Variants in PARD3B observed in about 807,000 individuals in gnomAD.
PARD3B encodes par-3 family cell polarity regulator beta.
PARD3B carries 103 observed loss-of-function variants against 130.2 expected under a neutral mutation model. The ratio of observed to expected loss-of-function variants is 0.79; its 90% CI spans 0.67 to 0.93. The LOEUF is 0.93. Among genes scored for constraint, PARD3B ranks in the 40% least tolerant of loss-of-function variants. PARD3B has a pLI of 0.00. For missense variants in PARD3B, 1,609 were observed against 1,499.2 expected (o/e 1.07, Z -1.21); for synonymous variants, 583 against 553.2 (o/e 1.05, Z -0.76).
At chr2:205,520,041 G>A (rs1575231622) in intron 21 of PARD3B, among the ~76,000 whole-genome samples, 1 of 152,102 alleles carries the variant, frequency 6.6e-6, no homozygotes, top group Non-Finnish European at 1.5e-5. Context: ...ATAATGGCTT[G>A]GCACTCCTGG....
intron 2 of PARD3B, among the ~76,000 whole-genome samples, chr2:204,951,386 C>A (rs1273619565): frequency 3.3e-5 from 5 of 152,106 alleles, no homozygotes; most frequent in Admixed American, 3.3e-4. Flanking sequence ...TCCAGTGGAT[C>A]CCTTCAACTG....
Position 204,967,672 on chromosome 2 carries a change from A to G in PARD3B, c.394+2349A>G, listed in dbSNP as rs917135061. Among the ~76,000 whole-genome samples the G allele has an allele frequency of 1.3e-5, 2 of 152,248 alleles. No individual in the cohort carries two copies. The highest frequency in any genetic ancestry group is 2.9e-5 in the Non-Finnish European group (2 of 68,046). On this transcript the variant is annotated intron_variant, in intron 3 of 22. Transcript: ENST00000406610. The surrounding 1 kb of genome is among the most constrained non-coding windows in gnomAD (Gnocchi z 4.4). ...TTTCTGGAACTTAAAAAGCAAAGAA[A>G]AAACATATTTGTCAGGTTTTTCAGA...
chr2:204,940,281 A>G (rs116327131), intron 2 of PARD3B, among the ~76,000 whole-genome samples: 3,085 of 152,278 alleles, frequency 0.02, 50 homozygotes, highest in East Asian at 0.054. Flanking sequence ...CATCTAAAAT[A>G]CAGTCCCTTG....
At chr2:205,226,519 G>T (rs2038559260) in intron 15 of PARD3B, among the ~76,000 whole-genome samples, 1 of 152,140 alleles carries the variant, frequency 6.6e-6, no homozygotes, top group South Asian at 2.1e-4. Flanking sequence ...AATCCATGTA[G>T]ATTTGATTTT....
intron 8 of PARD3B, among the ~76,000 whole-genome samples, chr2:205,124,040 A>G (rs557441067): frequency 2.0e-5 from 3 of 152,228 alleles, no homozygotes; most frequent in Non-Finnish European, 1.5e-5. Context: ...TGAGAAGTCA[A>G]TCTCCTGGGC....
At chr2:204,746,541 C>T (rs1279732693) in intron 2 of PARD3B, among the ~76,000 whole-genome samples, 3 of 152,108 alleles carry the variant, frequency 2.0e-5, no homozygotes, top group East Asian at 3.9e-4. Flanking sequence ...GTTCTAGATC[C>T]TTGAAGAATT....
intron 4 of PARD3B, among the ~76,000 whole-genome samples, chr2:205,077,651 T>C (rs913800606): frequency 6.6e-6 from 1 of 152,142 alleles, no homozygotes; most frequent in Non-Finnish European, 1.5e-5. Flanking sequence ...CCAAGGAAAT[T>C]TAAACCTATG....
At chr2:205,532,251 A>G (rs868229066) in intron 21 of PARD3B, among the ~76,000 whole-genome samples, 6 of 152,154 alleles carry the variant, frequency 3.9e-5, no homozygotes, top group Non-Finnish European at 8.8e-5. Context: ...GATGAGTCAT[A>G]TTTTAGAGGC....
intron 16 of PARD3B, among the ~76,000 whole-genome samples, chr2:205,246,473 A>G (rs1019474295): frequency 1.3e-5 from 2 of 152,128 alleles, no homozygotes; most frequent in Admixed American, 6.5e-5. Context: ...ATCATCATTT[A>G]TTCACATTAG....
intron 21 of PARD3B, among the ~76,000 whole-genome samples, chr2:205,513,668 T>C (rs10176518): frequency 0.48 from 72,227 of 151,896 alleles, 18,279 homozygotes; most frequent in Middle Eastern, 0.67. Flanking sequence ...TCCTTAGTCA[T>C]GCATTCATTT....
intron 15 of PARD3B, among the ~76,000 whole-genome samples, chr2:205,217,860 GTGTGTGTGTATA>G (rs1324468650): frequency 1.7e-3 from 146 of 86,540 alleles, no homozygotes; most frequent in African/African-American, 6.3e-3. Flanking sequence ...GTGTGTGTGT[GTGTGTGTGTATA>G]TATATATATA....
rs1325390964 is a variant in PARD3B, at chr2:205,119,023, T to A, written c.783T>A (p.Asp261Glu). 3.7e-6 allele frequency: 6 copies of A among 1,604,658 alleles called. No homozygotes were observed. The African/African-American group carries it at 8.1e-5, about 22-fold the overall frequency. The change falls in exon 7 of 23, where the codon GAT becomes GAA. Residue 261 changes from aspartate (D) to glutamate (E), a missense_variant. Transcript: ENST00000406610. ...NECIVKINNV[D>E]LVDKTFAQAQ... ...GTATTGTAAAAATCAACAATGTGGA[T>A]CTCGTAGACAAAACCTTTGCTCAGT...
At chr2:205,404,581 G>C (rs1051285822) in intron 19 of PARD3B, among the ~76,000 whole-genome samples, 2 of 151,978 alleles carry the variant, frequency 1.3e-5, no homozygotes, top group African/African-American at 4.8e-5. Context: ...ATGTCATGTT[G>C]ATCACTGCCT....
chr2:205,401,939 T>C (rs1040258329), intron 19 of PARD3B, among the ~76,000 whole-genome samples: 1 of 152,222 alleles, frequency 6.6e-6, no homozygotes, highest in Non-Finnish European at 1.5e-5. Flanking sequence ...TACACAACTT[T>C]TCACTTGCTT....
chr2:205,266,749 A>T (rs1574545766), intron 16 of PARD3B, among the ~76,000 whole-genome samples: 2 of 152,264 alleles, frequency 1.3e-5, no homozygotes, highest in East Asian at 3.9e-4. Flanking sequence ...CAATTAAAGG[A>T]TTCTTTTCAA....
Position 204,816,064 on chromosome 2 carries a change from T to C in PARD3B, c.222+129782T>C, listed in dbSNP as rs2043135964. Among the ~76,000 whole-genome samples, 3 of 151,986 alleles carry C rather than the reference T, an allele frequency of 2.0e-5. No homozygotes were observed. In the South Asian group the frequency reaches 6.2e-4, roughly 31 times the overall value. On this transcript the variant is annotated intron_variant, in intron 2 of 22. Transcript: ENST00000406610. ...AAATATTGTGATAAGGGTTTTACTATGTTAGTGGTTGCTGTAAGATTTATA... is the reference window on the plus strand; with the variant it reads ...AAATATTGTGATAAGGGTTTTACTACGTTAGTGGTTGCTGTAAGATTTATA...
chr2:204,786,634 G>C (rs1385098613), intron 2 of PARD3B, among the ~76,000 whole-genome samples: 1 of 151,616 alleles, frequency 6.6e-6, no homozygotes, highest in Non-Finnish European at 1.5e-5. Flanking sequence ...GTTTCCCCTT[G>C]TCAGTGTTCC....
rs1474417592 is a variant in PARD3B, at chr2:204,977,895, T to A, written c.394+12572T>A. Among the ~76,000 whole-genome samples the A allele has an allele frequency of 2.7e-5, 4 of 150,902 alleles. No individual in the cohort carries two copies. In the East Asian group the frequency reaches 7.8e-4, roughly 30 times the overall value. ...GGAAAGAGGAGAAAATTCTTACATA[T>A]CTGATGAGGGCTCCAGATGTTGGGG... is the stretch of plus-strand genomic sequence containing the variant. On this transcript the variant is annotated intron_variant, in intron 3 of 22. Coordinates refer to ENST00000406610, the MANE Select transcript of PARD3B (RefSeq NM_001302769.2).
At chr2:204,576,854 T>C (rs1188597433) in intron 1 of PARD3B, among the ~76,000 whole-genome samples, 2 of 152,142 alleles carry the variant, frequency 1.3e-5, no homozygotes, top group South Asian at 4.1e-4. Flanking sequence ...ATAACAACAA[T>C]ATGGAATACA....
Sources: allele counts gnomAD v4.1 joint callset (sites outside exome capture counted in the v4.1 genomes callset), GRCh38; gene constraint gnomAD v4.1.1; non-coding constraint Gnocchi (gnomAD v3.1); transcripts MANE v1.5; gene names NCBI Gene and HGNC (gene_info 2026-07-23, HGNC 2026-07-21).